KYAT1: variants seen among roughly 807,000 people sequenced by gnomAD.
KYAT1 encodes kynurenine aminotransferase 1.
KYAT1 carries 47 observed loss-of-function variants against 52.4 expected under a neutral mutation model. The observed-to-expected ratio is 0.90, with a 90% CI of 0.71 to 1.14. KYAT1 has a LOEUF of 1.14. Ranked by LOEUF, KYAT1 falls within the 50% of genes most tolerant of loss-of-function variation. The pLI, the probability that KYAT1 is intolerant of heterozygous loss-of-function variation, is 0.00. For synonymous variants in KYAT1, 212 were observed against 209.6 expected, an observed-to-expected ratio of 1.01 and a Z score of -0.10; for missense variants, 480 against 557.9, an observed-to-expected ratio of 0.86 and a Z score of 1.41.
intron 1 of KYAT1, among the ~76,000 whole-genome samples, chr9:128,862,987 G>C (rs184032581): frequency 6.6e-6 from 1 of 152,126 alleles, no homozygotes; most frequent in African/African-American, 2.4e-5. Context: ...ACCATGCCCG[G>C]CTAATTTTTT....
chr9:128,857,453 C>T (rs111248824), intron 1 of KYAT1, among the ~76,000 whole-genome samples: 24 of 152,200 alleles, frequency 1.6e-4, no homozygotes, highest in African/African-American at 5.8e-4. Context: ...CAGGCCACCG[C>T]TTCACTCAGC....
At chr9:128,864,479 A>C (rs191693978) in intron 1 of KYAT1, among the ~76,000 whole-genome samples, 15 of 151,852 alleles carry the variant, frequency 9.9e-5, no homozygotes, top group Non-Finnish European at 1.8e-4. Context: ...AACTGTTTTC[A>C]TCTTGTAAAA....
intron 1 of KYAT1, among the ~76,000 whole-genome samples, chr9:128,863,018 G>A (rs1835675780): frequency 6.6e-6 from 1 of 151,780 alleles, no homozygotes; most frequent in Non-Finnish European, 1.5e-5. Flanking sequence ...TAGTAGAGAT[G>A]GGGTTTCACC....
intron 1 of KYAT1, among the ~76,000 whole-genome samples, chr9:128,862,970 G>A (rs975626245): frequency 1.3e-5 from 2 of 152,022 alleles, no homozygotes; most frequent in African/African-American, 2.4e-5. Flanking sequence ...GATTACAGAC[G>A]CGCGCTACCA....
In KYAT1 at chr9:128,868,568, G is replaced by A. The variant is rs1400781348; in HGVS notation, c.-7+13329C>T. ...TTCCTTTTTTTTGAGACAGGGTCTCGCTCTGTCACCCAGGATGGAGTGCAG... is the reference window on the plus strand; with the variant it reads ...TTCCTTTTTTTTGAGACAGGGTCTCACTCTGTCACCCAGGATGGAGTGCAG... On this transcript the variant is annotated intron_variant, in intron 1 of 12. Coordinates refer to ENST00000302586, the MANE Select transcript of KYAT1 (RefSeq NM_004059.5). Among the ~76,000 whole-genome samples, 9 of 151,948 alleles carry A rather than the reference G, an allele frequency of 5.9e-5. No individual in the cohort carries two copies. The East Asian group carries it at 7.7e-4, about 13-fold the overall frequency.
intron 1 of KYAT1, among the ~76,000 whole-genome samples, chr9:128,868,926 G>A (rs997948267): frequency 2.0e-5 from 3 of 151,820 alleles, no homozygotes; most frequent in East Asian, 1.9e-4. Context: ...GGATGGTCTC[G>A]ATCTCCTGAC....
chr9:128,833,420 G>A lies in KYAT1; in HGVS notation c.*164C>T, dbSNP rs1031012020. On this transcript the variant is annotated 3_prime_UTR_variant, in exon 13 of 13. Coordinates refer to ENST00000302586, the MANE Select transcript of KYAT1 (RefSeq NM_004059.5). The stretch of plus-strand genomic sequence containing the variant: ...CAGGAGGCACTTGGTTCTCTAAGAT[G>A]AAGAAGGGCGGCTCCCACCCAGAAC... 1.6e-4 allele frequency: 119 copies of A among 723,170 alleles called. No homozygotes were observed. In the South Asian group the frequency reaches 2.0e-3, roughly 12 times the overall value. The allele number at this position is 723,170 out of a possible 1,614,324, so 44.8% of individuals were successfully genotyped here. A position where few individuals can be genotyped will look rare whatever the true frequency, so the allele number is the denominator to read the frequency against.
At chr9:128,849,934 G>A (rs1415075821) in intron 1 of KYAT1, among the ~76,000 whole-genome samples, 1 of 144,150 alleles carries the variant, frequency 6.9e-6, no homozygotes, top group South Asian at 2.2e-4. Flanking sequence ...ACCCAGGCTG[G>A]AGTGCAGTGG....
intron 1 of KYAT1, among the ~76,000 whole-genome samples, chr9:128,853,430 G>T (rs1035786206): frequency 1.3e-5 from 2 of 152,150 alleles, no homozygotes; most frequent in Non-Finnish European, 2.9e-5. Context: ...GAGCAGAGTT[G>T]GTTGCTGTCA....
intron 1 of KYAT1, among the ~76,000 whole-genome samples, chr9:128,846,185 T>C (rs2119176894): frequency 6.6e-6 from 1 of 152,284 alleles, no homozygotes; most frequent in Non-Finnish European, 1.5e-5. Context: ...TCCCAGCACT[T>C]TGGGAGGCTG....
intron 1 of KYAT1, among the ~76,000 whole-genome samples, chr9:128,880,594 A>G (rs1838689287): frequency 6.6e-6 from 1 of 151,922 alleles, no homozygotes; most frequent in Non-Finnish European, 1.5e-5. Context: ...GGCGCTCGCC[A>G]CCACACCCGG....
intron 1 of KYAT1, chr9:128,847,382 C>T (rs1004298914): frequency 2.3e-6 from 3 of 1,292,752 alleles, no homozygotes; most frequent in Non-Finnish European, 3.2e-6. Context: ...AGCCAGACCC[C>T]AGAAGCCCCA....
At chr9:128,842,124 T>C in intron 3 of KYAT1, 1 of 360,752 alleles carries the variant, frequency 2.8e-6, no homozygotes, top group Non-Finnish European at 5.8e-6. Flanking sequence ...ACTGGCAGGG[T>C]CAAGGCTGCA....
chr9:128,843,733 A>G (rs1175943877), intron 2 of KYAT1, among the ~76,000 whole-genome samples: 1 of 152,156 alleles, frequency 6.6e-6, no homozygotes, highest in Non-Finnish European at 1.5e-5. Flanking sequence ...ATGGAATGGA[A>G]GCTTCATCCT....
chr9:128,857,046 G>A (rs773205758), intron 1 of KYAT1, among the ~76,000 whole-genome samples: 17 of 152,248 alleles, frequency 1.1e-4, no homozygotes, highest in African/African-American at 2.9e-4. Flanking sequence ...GCCCTATGGC[G>A]GGAGGCGAGA....
intron 1 of KYAT1, among the ~76,000 whole-genome samples, chr9:128,861,651 T>C (rs574527602): frequency 5.9e-5 from 9 of 152,186 alleles, no homozygotes; most frequent in Non-Finnish European, 1.0e-4. Context: ...ACTAAGTACC[T>C]GTGCCTTGAG....
chr9:128,873,171 A>G (rs1227392821), intron 1 of KYAT1, among the ~76,000 whole-genome samples: 2 of 151,794 alleles, frequency 1.3e-5, no homozygotes, highest in African/African-American at 4.8e-5. Flanking sequence ...AATTAATAAG[A>G]CAATTGTTCT....
At chr9:128,875,016 C>A (rs1016165621) in intron 1 of KYAT1, among the ~76,000 whole-genome samples, 2 of 152,054 alleles carry the variant, frequency 1.3e-5, no homozygotes, top group African/African-American at 4.8e-5. Context: ...TGAGCCACTG[C>A]GCTCAGCCCA....
At chr9:128,860,264 T>A (rs1000754929) in intron 1 of KYAT1, 2 of 152,282 alleles carry the variant, frequency 1.3e-5, no homozygotes, top group African/African-American at 4.8e-5. Context: ...GCCAATCTCC[T>A]CTGGAAACAC....
Sources: gnomAD v4.1 joint callset for allele counts (sites outside exome capture counted in the v4.1 genomes callset) on GRCh38, gnomAD v4.1.1 for gene constraint, MANE v1.5 for transcripts, NCBI Gene and HGNC (gene_info 2026-07-23, HGNC 2026-07-21) for gene names.